STAM: variants seen among roughly 807,000 people sequenced by gnomAD.
STAM encodes the protein signal transducing adaptor molecule.
Under a neutral mutation model 63.4 loss-of-function variants are expected in STAM, and 16 were observed. The observed-to-expected ratio is 0.25, with a 90% CI of 0.17 to 0.38. STAM has a LOEUF of 0.38. STAM is among the 10% of genes least tolerant of loss of function. The pLI, the probability that STAM is intolerant of heterozygous loss-of-function variation, is 1.00. For missense variants in STAM, 636 were observed against 657.1 expected (o/e 0.97, Z 0.35); for synonymous variants, 238 against 223.9 (o/e 1.06, Z -0.56).
At chr10:17,689,576 C>G (rs1412019527) in intron 5 of STAM, among the ~76,000 whole-genome samples, 1 of 152,168 alleles carries the variant, frequency 6.6e-6, no homozygotes, top group Non-Finnish European at 1.5e-5. Flanking sequence ...AGTATAGTTT[C>G]TAGAATCTGT....
Position 17,716,306 on chromosome 10 carries a change from A to G in STAM, c.*1526A>G, listed in dbSNP as rs1216330225. Among the ~76,000 whole-genome samples the G allele has an allele frequency of 1.3e-5, 2 of 152,046 alleles. No homozygotes were observed. Among genetic ancestry groups the G allele is most frequent in the African/African-American group, 4.8e-5 (2 of 41,418 alleles). On this transcript the variant is annotated 3_prime_UTR_variant, in exon 14 of 14. Coordinates refer to ENST00000377524, the MANE Select transcript of STAM (RefSeq NM_003473.4). The stretch of plus-strand genomic sequence containing the variant: ...AGAGAAGATTAAATCTTTAGCCAGT[A>G]ATCTTAAGGGTGACTAATTTCACAG...
Position 17,680,019 on chromosome 10 carries a change from T to A in STAM, c.126-4656T>A, listed in dbSNP as rs1019752027. On this transcript the variant is annotated intron_variant, in intron 2 of 13. Transcript: ENST00000377524. ...AGGTTTTTCAGTTTTGTTGATCCTT[T>A]AAAAAAAAACTTGTGTTCATTGGCT... Among the ~76,000 whole-genome samples the A allele has an allele frequency of 3.8e-4, 57 of 151,614 alleles. 1 individual carries two copies. Among genetic ancestry groups the A allele is most frequent in the Admixed American group, 3.7e-3 (57 of 15,214 alleles).
chr10:17,695,008 A>G (rs782139918), intron 6 of STAM, 41 bp from the exon 7 acceptor site: 6 of 1,583,530 alleles, frequency 3.8e-6, no homozygotes, highest in Non-Finnish European at 5.2e-6. Flanking sequence ...ACTGTTGGAT[A>G]TAATAACATT....
At position 17,667,402 on chromosome 10, in the gene STAM, G is replaced by A. The variant is rs183401313; in HGVS notation, c.125+6854G>A. Among the ~76,000 whole-genome samples the A allele has an allele frequency of 3.3e-3, 500 of 152,280 alleles. 2 individuals carry two copies. The highest frequency in any genetic ancestry group is 0.011 in the African/African-American group (470 of 41,558). On this transcript the variant is annotated intron_variant, in intron 2 of 13. Coordinates refer to ENST00000377524, the MANE Select transcript of STAM (RefSeq NM_003473.4). ...CTCCCAAAGTGCTGGTATTACAGGCGTGAGCCACCGCATCCAGCCCATAGA... is the reference window on the plus strand; with the variant it reads ...CTCCCAAAGTGCTGGTATTACAGGCATGAGCCACCGCATCCAGCCCATAGA...
intron 7 of STAM, 40 bp downstream of exon 7, chr10:17,695,281 G>T: frequency 6.4e-7 from 1 of 1,568,210 alleles, no homozygotes; most frequent in South Asian, 1.1e-5. Flanking sequence ...ATGAAAGTGT[G>T]TATGGCTTCT....
intron 1 of STAM, among the ~76,000 whole-genome samples, chr10:17,649,269 G>A (rs1554821284): frequency 6.6e-6 from 1 of 151,950 alleles, no homozygotes; most frequent in African/African-American, 2.4e-5. Flanking sequence ...CTGGCATGGT[G>A]GTATGCCTGT....
At chr10:17,708,245 G>A (rs1836388204) in intron 12 of STAM, among the ~76,000 whole-genome samples, 1 of 152,164 alleles carries the variant, frequency 6.6e-6, no homozygotes, top group Non-Finnish European at 1.5e-5. Context: ...ACAGAGCCGA[G>A]TAGTTGTGTC....
chr10:17,710,246 C>T (rs913704345), intron 13 of STAM, among the ~76,000 whole-genome samples: 5 of 152,198 alleles, frequency 3.3e-5, no homozygotes, highest in Non-Finnish European at 7.4e-5. Flanking sequence ...TCTTCAAGGT[C>T]GGGGCCTTGG....
In STAM at chr10:17,715,156, G is replaced by A. The variant is rs551274618; in HGVS notation, c.*376G>A. The A allele has an allele frequency of 8.3e-5, 19 of 229,034 alleles. No individual in the cohort carries two copies. The South Asian group carries it at 1.3e-3, about 16-fold the overall frequency. 14.2% of individuals were successfully genotyped at this position (229,034 alleles called of 1,614,324 possible). A position where few individuals can be genotyped will look rare whatever the true frequency, so the allele number is the denominator to read the frequency against. On this transcript the variant is annotated 3_prime_UTR_variant, in exon 14 of 14. Transcript: ENST00000377524. ...AGTGGCCATTTTGAATCACAGTGGT[G>A]ATCGTGTGAATATATTTAACACTGT...
chr10:17,689,990 A>C (rs1835461345), intron 5 of STAM, among the ~76,000 whole-genome samples: 1 of 152,256 alleles, frequency 6.6e-6, no homozygotes. Context: ...GAAAAGGAAG[A>C]ATTAATGATT....
intron 6 of STAM, among the ~76,000 whole-genome samples, chr10:17,693,814 G>T (rs931132948): frequency 6.6e-6 from 1 of 152,014 alleles, no homozygotes; most frequent in African/African-American, 2.4e-5. Context: ...ATATGTGACC[G>T]TCTCTATTAT....
chr10:17,660,416 T>C, intron 1 of STAM, 48 bp from the exon 2 acceptor site: 1 of 1,310,920 alleles, frequency 7.6e-7, no homozygotes, highest in East Asian at 2.4e-5. Context: ...ATGTATCTTT[T>C]AAAGATTTGA....
At position 17,644,334 on chromosome 10, in the gene STAM, G is replaced by GC. The variant is rs782063893; in HGVS notation, c.-5dup. 4.3e-6 allele frequency: 7 copies of GC among 1,614,032 alleles called. No individual in the cohort carries two copies. The highest frequency in any genetic ancestry group is 1.3e-5 in the African/African-American group (1 of 74,932). ...GTCCCCGGGGACACCTCGGCACGCA[G>GC]CGGAGATGCCTCTTTTTGCCACCAA... On this transcript the variant is annotated 5_prime_UTR_variant, in exon 1 of 14. Transcript: ENST00000377524.
chr10:17,650,538 T>C (rs1160101297), intron 1 of STAM, among the ~76,000 whole-genome samples: 2 of 152,206 alleles, frequency 1.3e-5, no homozygotes, highest in Non-Finnish European at 2.9e-5. Flanking sequence ...TTGACTTCTG[T>C]AGTTGTAATT....
rs1027435606 is a variant in STAM, at chr10:17,714,429, G to T, written c.1386-114G>T. On this transcript the variant is annotated intron_variant, in intron 13 of 13. Transcript: ENST00000377524. ...GCACATTATAGCTGTTTAGTAAAAG[G>T]TTATTAAATGAATTGACTATATGAA... The T allele has an allele frequency of 1.2e-5, 12 of 998,700 alleles. No individual in the cohort carries two copies. The African/African-American group carries it at 1.8e-4, about 15-fold the overall frequency. 61.9% of individuals were successfully genotyped at this position (998,700 alleles called of 1,614,324 possible).
At chr10:17,706,007 G>A (rs1836250802) in intron 12 of STAM, among the ~76,000 whole-genome samples, 1 of 151,986 alleles carries the variant, frequency 6.6e-6, no homozygotes, top group Non-Finnish European at 1.5e-5. Flanking sequence ...GGTCGAGGCT[G>A]CAGTGAGCCG....
At chr10:17,696,277 A>G (rs576490777) in intron 7 of STAM, among the ~76,000 whole-genome samples, 1 of 151,844 alleles carries the variant, frequency 6.6e-6, no homozygotes, top group South Asian at 2.1e-4. Context: ...CTAGCTTTCC[A>G]TATACTAGAG....
chr10:17,695,960 G>C (rs1835737745), intron 7 of STAM: 1 of 152,104 alleles, frequency 6.6e-6, no homozygotes, highest in African/African-American at 2.4e-5. Flanking sequence ...CCACTTTCTG[G>C]TTTGTAGAAG....
At chr10:17,711,071 C>G (rs1029504251) in intron 13 of STAM, among the ~76,000 whole-genome samples, 1 of 152,138 alleles carries the variant, frequency 6.6e-6, no homozygotes, top group Non-Finnish European at 1.5e-5. Flanking sequence ...GTATTTGACT[C>G]GAGCTTTCTA....
Sources: allele counts gnomAD v4.1 joint callset (sites outside exome capture counted in the v4.1 genomes callset), GRCh38; gene constraint gnomAD v4.1.1; transcripts MANE v1.5; gene names NCBI Gene and HGNC (gene_info 2026-07-23, HGNC 2026-07-21).